Variants in CARF observed in about 807,000 individuals in gnomAD.
CARF encodes calcium-responsive transcription factor.
A neutral mutation model predicts 82.0 loss-of-function variants in CARF; 57 were observed. The observed-to-expected ratio is 0.70, with a 90% CI of 0.56 to 0.87. The LOEUF is 0.87. CARF is among the 40% of genes least tolerant of loss of function. CARF has a pLI of 0.00. For synonymous variants in CARF, 268 were observed against 290.1 expected, an observed-to-expected ratio of 0.92 and a Z score of 0.77; for missense variants, 771 against 855.8, an observed-to-expected ratio of 0.90 and a Z score of 1.24.
chr2:202,973,441 CTTCTAT>C (rs1354861361), intron 12 of CARF: 6 of 433,220 alleles, frequency 1.4e-5, no homozygotes, highest in African/African-American at 1.0e-4. Flanking sequence ...ACAGTGCTGC[CTTCTAT>C]TTCTATCTTC....
intron 16 of CARF, 47 bp from the exon 17 acceptor site, chr2:202,983,459 G>T: frequency 8.3e-7 from 1 of 1,208,190 alleles, no homozygotes; most frequent in Non-Finnish European, 1.2e-6. Flanking sequence ...CTCTTCCAGT[G>T]TCATGAAATA....
At chr2:202,943,360 C>T (rs968194667) in intron 5 of CARF, among the ~76,000 whole-genome samples, 1 of 152,142 alleles carries the variant, frequency 6.6e-6, no homozygotes, top group Admixed American at 6.5e-5. Context: ...AGGCGTTAGC[C>T]ACCATGCCCA....
At chr2:202,957,037 C>T (rs918257898) in intron 8 of CARF, among the ~76,000 whole-genome samples, 1 of 152,172 alleles carries the variant, frequency 6.6e-6, no homozygotes, top group African/African-American at 2.4e-5. Flanking sequence ...GATCCTCCCG[C>T]CTCAGCCTCC....
intron 2 of CARF, among the ~76,000 whole-genome samples, chr2:202,923,884 C>T (rs1457756587): frequency 6.6e-6 from 1 of 152,130 alleles, no homozygotes; most frequent in East Asian, 1.9e-4. Flanking sequence ...GAAATGACAC[C>T]CTATTCAACA....
chr2:202,976,460 C>T (rs1362935605), intron 13 of CARF, among the ~76,000 whole-genome samples: 1 of 152,076 alleles, frequency 6.6e-6, no homozygotes, highest in East Asian at 1.9e-4. Flanking sequence ...AGGCGTGAGC[C>T]ACCACACCCG....
At chr2:202,949,965 T>C (rs1281526375) in intron 5 of CARF, among the ~76,000 whole-genome samples, 1 of 152,210 alleles carries the variant, frequency 6.6e-6, no homozygotes, top group Non-Finnish European at 1.5e-5. Context: ...ATTAGAAATA[T>C]TGTACACAAA....
chr2:202,915,098 C>T (rs1268965437), intron 1 of CARF, among the ~76,000 whole-genome samples: 1 of 151,854 alleles, frequency 6.6e-6, no homozygotes, highest in Non-Finnish European at 1.5e-5. Flanking sequence ...CTCACTGCAA[C>T]CTCCGCCTTC....
chr2:202,971,385 G>A, intron 11 of CARF, 120 bp from the exon 12 acceptor site: 1 of 496,334 alleles, frequency 2.0e-6, no homozygotes, highest in Non-Finnish European at 3.4e-6. Context: ...TTTTCTTAAA[G>A]GATTAATCCT....
In CARF at chr2:202,961,359, G is replaced by A; in HGVS notation, c.765G>A (p.Lys255=). ...WGTRQSPSPA[K]PATRLMWKSQ... Reference sequence around the variant, plus strand: ...CCCGTCAGTCTCCAAGCCCAGCCAAGCCTGCTACACGCTTGATGTGGAAAT... The same window carrying A: ...CCCGTCAGTCTCCAAGCCCAGCCAAACCTGCTACACGCTTGATGTGGAAAT... The change falls in exon 9 of 17, where the codon AAG becomes AAA. Residue 255 remains lysine, a synonymous_variant. Coordinates refer to ENST00000438828, the MANE Select transcript of CARF (RefSeq NM_024744.17). 6.2e-7 allele frequency: 1 copy of A among 1,614,160 alleles called. No homozygotes were observed. The highest frequency in any genetic ancestry group is 8.5e-7 in the Non-Finnish European group (1 of 1,180,034).
chr2:202,975,754 A>G (rs1408755945), intron 13 of CARF, among the ~76,000 whole-genome samples: 1 of 152,198 alleles, frequency 6.6e-6, no homozygotes, highest in Admixed American at 6.5e-5. Context: ...ATTTAAATAC[A>G]GTTGTTTGGG....
At chr2:202,942,113 C>A in intron 4 of CARF, 133 bp downstream of exon 4, 1 of 626,420 alleles carries the variant, frequency 1.6e-6, no homozygotes, top group Non-Finnish European at 2.8e-6. Context: ...GTGGCTGACA[C>A]CTGTGATCCC....
intron 7 of CARF, among the ~76,000 whole-genome samples, chr2:202,954,879 T>A (rs2058961049): frequency 6.6e-6 from 1 of 151,000 alleles, no homozygotes. Context: ...CCGGGCGTGG[T>A]GGCCGGCGCC....
chr2:202,953,874 CATT>C (rs2058890825), intron 6 of CARF, 128 bp from the exon 7 acceptor site: 18 of 611,666 alleles, frequency 2.9e-5, no homozygotes, highest in African/African-American at 3.8e-5. Context: ...CTCAATAAAG[CATT>C]ATTCCTTTAC....
chr2:202,982,338 A>C lies in CARF; in HGVS notation c.1956A>C (p.Gly652=), dbSNP rs371541742. ...LVAMDELVEV[G]DVEDTGNLEG... is the part of the protein sequence containing the mutation. ...CAATGGACGAGCTGGTAGAAGTTGGAGATGTTGAGGATACAGGGAATCTGG... is the reference window on the plus strand; with the variant it reads ...CAATGGACGAGCTGGTAGAAGTTGGCGATGTTGAGGATACAGGGAATCTGG... The change falls in exon 16 of 17, where the codon GGA becomes GGC. Residue 652 remains glycine, a synonymous_variant. Transcript: ENST00000438828. 3.7e-6 allele frequency: 6 copies of C among 1,614,008 alleles called. No individual in the cohort carries two copies. The African/African-American group carries it at 6.7e-5, about 18-fold the overall frequency.
chr2:202,926,894 C>T lies in CARF; in HGVS notation c.-44+2479C>T, dbSNP rs534532575. ...TTGGAGGGCAGTGGTGCAATCATAG[C>T]TCACTGCAGCTCAGGCTCAGATGAT... On this transcript the variant is annotated intron_variant, in intron 3 of 16. Transcript: ENST00000438828. Among the ~76,000 whole-genome samples the T allele has an allele frequency of 3.7e-4, 57 of 152,264 alleles. 2 individuals are homozygous for T. The South Asian group carries it at 0.011, about 30-fold the overall frequency.
At chr2:202,922,615 C>A (rs755827423) in intron 2 of CARF, among the ~76,000 whole-genome samples, 1 of 151,936 alleles carries the variant, frequency 6.6e-6, no homozygotes, top group Admixed American at 6.6e-5. Context: ...CAAGCCTGGT[C>A]AACATGTGGA....
rs528810440 is a variant in CARF at position 202,941,848 on chromosome 2, A to C, written c.-43-12A>C. ...AAGTGCTTTAGTTGATCAGCTATTT[A>C]AACTCTTTCAGCTATTAAATAATAG... On this transcript the variant is annotated splice_polypyrimidine_tract_variant and intron_variant, in intron 3 of 16. Coordinates refer to ENST00000438828, the MANE Select transcript of CARF (RefSeq NM_024744.17). 4 of 1,417,684 alleles carry C rather than the reference A, an allele frequency of 2.8e-6. No individual in the cohort carries two copies. Among genetic ancestry groups the C allele is most frequent in the Non-Finnish European group, 4.0e-6 (4 of 1,007,862 alleles). The allele number at this position is 1,417,684 out of a possible 1,614,324, so 87.8% of individuals were successfully genotyped here.
In CARF at chr2:202,918,691, C is replaced by A. The variant is rs937487729; in HGVS notation, c.-163+648C>A. On this transcript the variant is annotated intron_variant, in intron 2 of 16. Transcript: ENST00000438828. ...GTTGTCAGGATTAAAGAAGGTAAAG[C>A]AAATTGATGGAAGAAAGGAGGAAGG... 5.9e-5 allele frequency among the ~76,000 whole-genome samples: 9 copies of A among 152,026 alleles called. No homozygotes were observed. In the East Asian group the frequency reaches 1.7e-3, roughly 29 times the overall value.
At chr2:202,965,376 GA>G (rs1402361820) in intron 9 of CARF, among the ~76,000 whole-genome samples, 1 of 151,996 alleles carries the variant, frequency 6.6e-6, no homozygotes, top group African/African-American at 2.4e-5. Context: ...GAGTATTATG[GA>G]ATGTTTTTAT....
Sources: allele counts gnomAD v4.1 joint callset (sites outside exome capture counted in the v4.1 genomes callset), GRCh38; gene constraint gnomAD v4.1.1; transcripts MANE v1.5; gene names NCBI Gene and HGNC (gene_info 2026-07-23, HGNC 2026-07-21).